The following SLC38A11 variants were observed in gnomAD, a reference collection of about 807,000 sequenced individuals.
SLC38A11 encodes the protein putative sodium-coupled neutral amino acid transporter 11.
SLC38A11 carries 51 observed loss-of-function variants against 49.4 expected under a neutral mutation model. The ratio of observed to expected loss-of-function variants is 1.03; its 90% CI spans 0.83 to 1.30. The LOEUF (loss-of-function observed/expected upper bound fraction) is 1.30, where lower values mean the gene tolerates loss of function less well. Among genes scored for constraint, SLC38A11 ranks in the 50% most tolerant of loss-of-function variants. SLC38A11 has a pLI of 0.00. For missense variants in SLC38A11, 574 were observed against 556.2 expected, an observed-to-expected ratio of 1.03 and a Z score of -0.32; for synonymous variants, 203 against 192.9, an observed-to-expected ratio of 1.05 and a Z score of -0.43.
rs749661780 is a variant in SLC38A11 at position 164,895,764 on chromosome 2, G to T, written c.*2673C>A. 6 of 152,164 alleles carry T rather than the reference G, an allele frequency of 3.9e-5. No individual in the cohort carries two copies. The highest frequency in any genetic ancestry group is 8.8e-5 in the Non-Finnish European group (6 of 68,022). The allele number at this position is 152,164 out of a possible 1,614,324, so 9.4% of individuals were successfully genotyped here. A position where few individuals can be genotyped will look rare whatever the true frequency, so the allele number is the denominator to read the frequency against. On this transcript the variant is annotated 3_prime_UTR_variant, in exon 12 of 12. Transcript: ENST00000685975. The stretch of plus-strand genomic sequence containing the variant: ...GATGAGATCTGGTGCGTTCAGGAAG[G>T]TATGGTCATAGACAGTTTACCCATT...
intron 7 of SLC38A11, among the ~76,000 whole-genome samples, chr2:164,930,648 CA>C (rs1167534716): frequency 6.6e-6 from 1 of 152,014 alleles, no homozygotes; most frequent in East Asian, 1.9e-4. Flanking sequence ...GAACTAAAGA[CA>C]AAAACGATAT....
Position 164,896,286 on chromosome 2 carries a change from A to G in SLC38A11, c.*2151T>C, listed in dbSNP as rs895171688. ...AGTCTTGTTCTACAGCTGATTAAAAATAAATAAACCAATACATGTTTATTA... is the reference window on the plus strand; with the variant it reads ...AGTCTTGTTCTACAGCTGATTAAAAGTAAATAAACCAATACATGTTTATTA... On this transcript the variant is annotated 3_prime_UTR_variant, in exon 12 of 12. Coordinates refer to ENST00000685975, the MANE Select transcript of SLC38A11 (RefSeq NM_001351537.2). 6.7e-6 allele frequency: 1 copy of G among 148,742 alleles called. No individual in the cohort carries two copies. The highest frequency in any genetic ancestry group is 2.4e-5 in the African/African-American group (1 of 41,308). The allele number at this position is 148,742 out of a possible 1,614,324, so 9.2% of individuals were successfully genotyped here.
At position 164,894,785 on chromosome 2, in the gene SLC38A11, TG is replaced by T. The variant is rs1326912311; in HGVS notation, c.*3651del. 6.6e-6 allele frequency among the ~76,000 whole-genome samples: 1 copy of T among 152,180 alleles called. No individual in the cohort carries two copies. Among genetic ancestry groups the T allele is most frequent in the Non-Finnish European group, 1.5e-5 (1 of 68,032 alleles). On this transcript the variant is annotated 3_prime_UTR_variant, in exon 12 of 12. Coordinates refer to ENST00000685975, the MANE Select transcript of SLC38A11 (RefSeq NM_001351537.2). Reference sequence around the variant, plus strand: ...CTCCTCTTCTCACTGTGTCTCTAGATGATTTTTCAAAGAGGCAAAGGATAAC... The same window carrying T: ...CTCCTCTTCTCACTGTGTCTCTAGATATTTTTCAAAGAGGCAAAGGATAAC...
At position 164,945,620 on chromosome 2, in the gene SLC38A11, C is replaced by G. The variant is rs762788789; in HGVS notation, c.337G>C (p.Val113Leu). Residue 113 changes from valine to leucine, a missense_variant, in exon 4 of 12, where the codon GTT (valine) becomes CTT (leucine). Physicochemically the swap from Val to Leu is conservative, Grantham distance 32. Coordinates refer to ENST00000685975, the MANE Select transcript of SLC38A11 (RefSeq NM_001351537.2). Reference protein sequence around the residue: ...FGFPGYLLLSVLQFLYPFIAM... With the variant: ...FGFPGYLLLSLLQFLYPFIAM... ...ATAAAAGGATACAAAAACTGAAGAA[C>G]AGAGAGGAGCAGATACCCTGGAAAG... The G allele has an allele frequency of 6.2e-7, 1 of 1,604,810 alleles. No individual in the cohort carries two copies. Among genetic ancestry groups the G allele is most frequent in the Non-Finnish European group, 8.5e-7 (1 of 1,178,036 alleles).
chr2:164,916,881 T>C (rs1205425959), intron 7 of SLC38A11, among the ~76,000 whole-genome samples: 1 of 152,158 alleles, frequency 6.6e-6, no homozygotes, highest in African/African-American at 2.4e-5. Context: ...CTTCCACTTA[T>C]TAGCTGTGTG....
At chr2:164,939,365 C>T (rs945555122) in intron 6 of SLC38A11, 85 bp downstream of exon 6, 11 of 795,396 alleles carry the variant, frequency 1.4e-5, no homozygotes, top group African/African-American at 5.2e-5. Flanking sequence ...AGATGAATAC[C>T]GTAATTAAGA....
rs149234782 is a variant in SLC38A11, at chr2:164,898,497, T to C, written c.1329A>G (p.Ser443=). 7.8e-5 allele frequency: 126 copies of C among 1,613,422 alleles called. No individual in the cohort carries two copies. The African/African-American group carries it at 1.5e-3, about 19-fold the overall frequency. ...GTGTTGTCTGCTGAACATGAGACTC[T>C]GAGGTATTTGTGAGAGAGAAATTGT... The part of the protein sequence containing the change: ...FPDNFSLTNT[S]ESHVQQTTQL... The change falls in exon 12 of 12, where the codon TCA becomes TCG. Residue 443 remains serine (S), a synonymous_variant. Transcript: ENST00000685975.
At chr2:164,943,706 C>A (rs1199218194) in intron 5 of SLC38A11, among the ~76,000 whole-genome samples, 2 of 152,102 alleles carry the variant, frequency 1.3e-5, no homozygotes, top group Non-Finnish European at 2.9e-5. Flanking sequence ...GGCTCACACT[C>A]CTGGGCTCAA....
rs377564557 is a variant in SLC38A11, at chr2:164,939,508, G to T, written c.479C>A (p.Ser160Tyr). 5.4e-5 allele frequency: 87 copies of T among 1,610,712 alleles called. No individual in the cohort carries two copies. The highest frequency in any genetic ancestry group is 7.1e-5 in the Non-Finnish European group (84 of 1,178,032). The change falls in exon 6 of 12, where the codon TCC becomes TAC. Residue 160 changes from serine (S) to tyrosine (Y), a missense_variant. Coordinates refer to ENST00000685975, the MANE Select transcript of SLC38A11 (RefSeq NM_001351537.2). ...TAAAGGCAGAGTAAAGGTAACTGTG[G>T]AAAGTCCAATAATGAAGTGGCGACC... The part of the protein sequence containing the change: ...FIGRHFIIGL[S>Y]TVTFTLPLSL...
At chr2:164,945,559 A>T (rs1385087046) in intron 4 of SLC38A11, 34 bp downstream of exon 4, 1 of 1,566,254 alleles carries the variant, frequency 6.4e-7, no homozygotes, top group African/African-American at 1.4e-5. Flanking sequence ...GCTTATGCAC[A>T]TAATTGCAAT....
chr2:164,915,497 A>G, intron 8 of SLC38A11: 2 of 479,074 alleles, frequency 4.2e-6, no homozygotes, highest in Non-Finnish European at 7.3e-6. Flanking sequence ...GATATAAACC[A>G]GGCCAGTCCA....
At position 164,898,181 on chromosome 2, in the gene SLC38A11, A is replaced by G. The variant is rs1342450140; in HGVS notation, c.*256T>C. ...AAAGGGGGATGGCAGAAAATGCTAA[A>G]GGCTTAACTCTCCCTTCTTCAATTA... On this transcript the variant is annotated 3_prime_UTR_variant, in exon 12 of 12. Transcript: ENST00000685975. 1 of 288,560 alleles carries G rather than the reference A, an allele frequency of 3.5e-6. No individual in the cohort carries two copies. Among genetic ancestry groups the G allele is most frequent in the East Asian group, 6.9e-5 (1 of 14,528 alleles). The allele number at this position is 288,560 out of a possible 1,614,324, so 17.9% of individuals were successfully genotyped here.
chr2:164,948,731 A>G (rs1479226127), intron 3 of SLC38A11, among the ~76,000 whole-genome samples: 1 of 152,200 alleles, frequency 6.6e-6, no homozygotes, highest in Non-Finnish European at 1.5e-5. Context: ...GATTATCATT[A>G]CATGAGAGGC....
At chr2:164,930,774 C>T (rs1447864898) in intron 7 of SLC38A11, among the ~76,000 whole-genome samples, 1 of 152,060 alleles carries the variant, frequency 6.6e-6, no homozygotes, top group Non-Finnish European at 1.5e-5. Context: ...TAAAAGCCAT[C>T]TGTGACTAAA....
intron 7 of SLC38A11, among the ~76,000 whole-genome samples, chr2:164,921,503 T>A (rs1686202448): frequency 6.6e-6 from 1 of 151,750 alleles, no homozygotes; most frequent in East Asian, 1.9e-4. Flanking sequence ...TTAATTTTTT[T>A]TTTTTTTGTA....
Position 164,955,289 on chromosome 2 carries a change from G to C in SLC38A11, c.-42C>G. The C allele has an allele frequency of 6.5e-7, 1 of 1,544,992 alleles. No individual in the cohort carries two copies. The highest frequency in any genetic ancestry group is 8.8e-7 in the Non-Finnish European group (1 of 1,141,974). The stretch of plus-strand genomic sequence containing the variant: ...TCAGCAGGTGGAAGATGCTGGGGCT[G>C]GGTACGGATTCGCACCCGGCCAGCC... On this transcript the variant is annotated 5_prime_UTR_variant, in exon 1 of 12. Coordinates refer to ENST00000685975, the MANE Select transcript of SLC38A11 (RefSeq NM_001351537.2).
intron 7 of SLC38A11, among the ~76,000 whole-genome samples, chr2:164,932,471 A>T (rs1687072778): frequency 6.6e-6 from 1 of 152,026 alleles, no homozygotes; most frequent in Non-Finnish European, 1.5e-5. Context: ...TCACAATAGC[A>T]AAGACATGGA....
At chr2:164,920,206 G>A (rs1309101650) in intron 7 of SLC38A11, among the ~76,000 whole-genome samples, 2 of 151,408 alleles carry the variant, frequency 1.3e-5, no homozygotes, top group Non-Finnish European at 2.9e-5. Flanking sequence ...CCTGGGGGGT[G>A]GAGGTTGCAG....
At chr2:164,940,238 A>G (rs199722569) in intron 5 of SLC38A11, among the ~76,000 whole-genome samples, 1 of 15,264 alleles carries the variant, frequency 6.6e-5, no homozygotes, top group South Asian at 6.5e-3. Context: ...TTATATATAT[A>G]TATATATATA....
Sources: gnomAD v4.1 joint callset for allele counts (sites outside exome capture counted in the v4.1 genomes callset) on GRCh38, gnomAD v4.1.1 for gene constraint, MANE v1.5 for transcripts, NCBI Gene and HGNC (gene_info 2026-07-23, HGNC 2026-07-21) for gene names.